Variants in GPC3 observed in about 807,000 individuals in gnomAD.
GPC3 encodes the protein glypican-3.
Under a neutral mutation model 34.4 loss-of-function variants are expected in GPC3, and 3 were observed. That is an observed-to-expected ratio of 0.09 (90% CI 0.04 to 0.23). The LOEUF (loss-of-function observed/expected upper bound fraction) is 0.23. GPC3 is among the 10% of genes least tolerant of loss of function. The pLI is 1.00. For synonymous variants in GPC3, 177 were observed against 174.0 expected, an observed-to-expected ratio of 1.02 and a Z score of -0.13; for missense variants, 351 against 445.6, an observed-to-expected ratio of 0.79 and a Z score of 1.91.
chrX:133,864,281 T>C (rs181955012), intron 2 of GPC3, among the ~76,000 whole-genome samples: 74 of 111,514 alleles, frequency 6.6e-4, no homozygotes, highest in African/African-American at 2.2e-3. Context: ...ACCCAAACTG[T>C]GCGCACTTCA....
intron 1 of GPC3, among the ~76,000 whole-genome samples, chrX:133,982,323 C>T (rs1016003547): frequency 9.0e-6 from 1 of 111,690 alleles, no homozygotes; most frequent in Admixed American, 9.5e-5. Context: ...TAACTCTGTG[C>T]GCCTGGTTTC....
intron 2 of GPC3, among the ~76,000 whole-genome samples, chrX:133,811,260 C>T (rs1362811613): frequency 9.0e-6 from 1 of 111,436 alleles, no homozygotes; most frequent in Admixed American, 9.5e-5. Flanking sequence ...TACAGAGCTT[C>T]ATTCCTTAAG....
intron 2 of GPC3, among the ~76,000 whole-genome samples, chrX:133,946,833 A>G (rs897917310): frequency 3.6e-5 from 4 of 111,399 alleles, no homozygotes; most frequent in Non-Finnish European, 5.7e-5. Flanking sequence ...AGAAGGATGC[A>G]GGAAGAAATG....
At chrX:133,823,524 G>A (rs1218993005) in intron 2 of GPC3, among the ~76,000 whole-genome samples, 1 of 111,300 alleles carries the variant, frequency 9.0e-6, no homozygotes, top group Non-Finnish European at 1.9e-5. Context: ...GTCTATAACG[G>A]CCTTGAGGTC....
At chrX:133,837,862 T>G (rs1345306869) in intron 2 of GPC3, among the ~76,000 whole-genome samples, 1 of 112,644 alleles carries the variant, frequency 8.9e-6, no homozygotes, top group Non-Finnish European at 1.9e-5. Context: ...TGGTACCTTT[T>G]TCATTTTTAT....
chrX:133,788,226 A>C (rs767295304), intron 2 of GPC3, among the ~76,000 whole-genome samples: 1 of 104,491 alleles, frequency 9.6e-6, no homozygotes, highest in African/African-American at 3.5e-5. Context: ...AAAGAGACCT[A>C]GCCACCAGAC....
intron 6 of GPC3, among the ~76,000 whole-genome samples, chrX:133,617,990 T>C (rs1342149722): frequency 8.9e-6 from 1 of 112,212 alleles, no homozygotes; most frequent in Admixed American, 9.5e-5. Context: ...TAAAAATTAC[T>C]ATCAATATTT....
chrX:133,722,787 T>A (rs2071379413), intron 3 of GPC3, among the ~76,000 whole-genome samples: 1 of 111,421 alleles, frequency 9.0e-6, no homozygotes, highest in Non-Finnish European at 1.9e-5. Flanking sequence ...TTAGCAAAAG[T>A]TGTAATCAGA....
At chrX:133,667,074 C>T (rs895583864) in intron 5 of GPC3, among the ~76,000 whole-genome samples, 1 of 111,498 alleles carries the variant, frequency 9.0e-6, no homozygotes, top group African/African-American at 3.3e-5. Flanking sequence ...GAGGTAGAAT[C>T]GATAAAAGTT....
At chrX:133,691,983 C>T (rs775360282) in intron 5 of GPC3, among the ~76,000 whole-genome samples, 1 of 112,505 alleles carries the variant, frequency 8.9e-6, no homozygotes, top group African/African-American at 3.2e-5. Flanking sequence ...GAGTCTTGCT[C>T]TGTCACCCAG....
chrX:133,910,818 T>C (rs946660114), intron 2 of GPC3, among the ~76,000 whole-genome samples: 2 of 112,003 alleles, frequency 1.8e-5, no homozygotes, highest in African/African-American at 6.5e-5. Flanking sequence ...TAGTTGCTGA[T>C]CAGATTCTAA....
chrX:133,682,858 T>G (rs2070959811), intron 5 of GPC3, among the ~76,000 whole-genome samples: 1 of 108,754 alleles, frequency 9.2e-6, no homozygotes, highest in African/African-American at 3.4e-5. Flanking sequence ...TCCCAGCTAC[T>G]TGGGAGGCTG....
intron 2 of GPC3, among the ~76,000 whole-genome samples, chrX:133,866,216 A>G (rs777252734): frequency 5.4e-5 from 6 of 112,115 alleles, no homozygotes; most frequent in Non-Finnish European, 1.1e-4. Context: ...CAGGGTATCC[A>G]TATGCAAATT....
At chrX:133,965,297 G>T (rs1299526079) in intron 1 of GPC3, among the ~76,000 whole-genome samples, 1 of 110,904 alleles carries the variant, frequency 9.0e-6, no homozygotes, top group Non-Finnish European at 1.9e-5. Flanking sequence ...TCCAGCACAG[G>T]ACAGAAGGAG....
intron 2 of GPC3, among the ~76,000 whole-genome samples, chrX:133,877,424 G>C (rs2076021559): frequency 9.0e-6 from 1 of 111,685 alleles, no homozygotes; most frequent in Non-Finnish European, 1.9e-5. Flanking sequence ...CTAAACCCTT[G>C]CATCTATAAA....
rs1163267932 is a variant in GPC3, at chrX:133,753,562, T to C, written c.952A>G (p.Asn318Asp). The C allele has an allele frequency of 1.7e-6, 2 of 1,208,950 alleles. No individual in the cohort carries two copies. The highest frequency in any genetic ancestry group is 3.0e-5 in the East Asian group (1 of 33,817). Residue 318 changes from asparagine to aspartate, a missense_variant, in exon 3 of 8, where the codon AAC becomes GAC. By Grantham distance (23) the Asn-to-Asp change is conservative (BLOSUM62 1). Coordinates refer to ENST00000370818, the MANE Select transcript of GPC3 (RefSeq NM_004484.4). ...GTTGAAAAGAGACCAAGCAGTACGT[T>C]CTCCATGTCATAGATTCTGTACATG... ...NGMYRIYDME[N>D]VLLGLFSTIH... is the part of the protein sequence containing the mutation.
intron 2 of GPC3, among the ~76,000 whole-genome samples, chrX:133,927,228 G>A (rs753358740): frequency 9.0e-6 from 1 of 110,879 alleles, no homozygotes; most frequent in African/African-American, 3.3e-5. Flanking sequence ...TTTTTTTAAA[G>A]TACAAAGTAT....
At chrX:133,613,631 A>G (rs1179208674) in intron 6 of GPC3, among the ~76,000 whole-genome samples, 3 of 112,335 alleles carry the variant, frequency 2.7e-5, no homozygotes, top group African/African-American at 3.2e-5. Context: ...TGTAAATACA[A>G]TAGACCCACA....
intron 2 of GPC3, among the ~76,000 whole-genome samples, chrX:133,861,192 T>G (rs188070716): frequency 9.0e-6 from 1 of 111,675 alleles, no homozygotes; most frequent in East Asian, 2.8e-4. Context: ...ATTTTACTTA[T>G]AGATAATCAC....
Sources: gnomAD v4.1 joint callset for allele counts (sites outside exome capture counted in the v4.1 genomes callset) on GRCh38, gnomAD v4.1.1 for gene constraint, MANE v1.5 for transcripts, NCBI Gene and HGNC (gene_info 2026-07-23, HGNC 2026-07-21) for gene names.